Variants in GAD1 observed in about 807,000 individuals in gnomAD.
GAD1 encodes 67 kDa glutamic acid decarboxylase.
GAD1 carries 35 observed loss-of-function variants against 75.2 expected under a neutral mutation model. The ratio of observed to expected loss-of-function variants is 0.47; its 90% CI spans 0.36 to 0.62. The LOEUF is 0.62. GAD1 is among the 20% of genes least tolerant of loss of function. The pLI, the probability that GAD1 is intolerant of heterozygous loss-of-function variation, is 0.00. For synonymous variants in GAD1, 257 were observed against 271.9 expected (o/e 0.95, Z 0.54); for missense variants, 490 against 758.5 (o/e 0.65, Z 4.16).
intron 3 of GAD1, 191 bp from the exon 4 acceptor site, chr2:170,829,284 G>A (rs1702158423): frequency 1.6e-6 from 1 of 628,226 alleles, no homozygotes; most frequent in African/African-American, 1.8e-5. Flanking sequence ...TGCCACTGAT[G>A]ACATTTGGCA....
intron 12 of GAD1, among the ~76,000 whole-genome samples, chr2:170,852,140 G>A (rs896196364): frequency 2.0e-5 from 3 of 152,210 alleles, no homozygotes; most frequent in African/African-American, 7.2e-5. Flanking sequence ...CCAACTCTGT[G>A]ACTTTGGGTA....
At position 170,839,633 on chromosome 2, in the gene GAD1, T is replaced by A. The variant is rs147161410; in HGVS notation, c.638+2750T>A. On this transcript the variant is annotated intron_variant, in intron 6 of 16. Transcript: ENST00000358196. ...CATCTCAAAAAAAAAAAAAAAAATCTATGTCCATGCCTTTACACCTGTTTC... is the reference window on the plus strand; with the variant it reads ...CATCTCAAAAAAAAAAAAAAAAATCAATGTCCATGCCTTTACACCTGTTTC... Among the ~76,000 whole-genome samples the A allele has an allele frequency of 9.0e-4, 137 of 151,584 alleles. 1 individual carries two copies. The highest frequency in any genetic ancestry group is 1.8e-3 in the African/African-American group (74 of 41,330).
chr2:170,815,233 C>T (rs45625139), upstream of GAD1, among the ~76,000 whole-genome samples: 2 of 152,176 alleles, frequency 1.3e-5, no homozygotes, highest in Admixed American at 6.5e-5. Context: ...GGAGCAGACA[C>T]CCCCAGCCTG....
Position 170,858,868 on chromosome 2 carries a change from C to G in GAD1, c.1586C>G (p.Pro529Arg). The G allele has an allele frequency of 6.2e-7, 1 of 1,614,126 alleles. No homozygotes were observed. Among genetic ancestry groups the G allele is most frequent in the Non-Finnish European group, 8.5e-7 (1 of 1,179,988 alleles). Reference sequence around the variant, plus strand: ...AGCCTCAGGGGTGTGCCAGACAGCCCTCAACGACGGGAAAAGCTACACAAG... The same window carrying G: ...AGCCTCAGGGGTGTGCCAGACAGCCGTCAACGACGGGAAAAGCTACACAAG... ...PQSLRGVPDS[P>R]QRREKLHKVA... The change falls in exon 16 of 17, where the codon CCT becomes CGT. Residue 529 changes from proline to arginine, a missense_variant. Physicochemically the swap from Pro to Arg is moderately radical, Grantham distance 103 (BLOSUM62 -2). This residue lies in a region of GAD1 where 324 missense variants were observed against 523.9 expected (regional missense o/e 0.62). Transcript: ENST00000358196.
At chr2:170,855,566 G>A (rs997890882) in intron 14 of GAD1, among the ~76,000 whole-genome samples, 2 of 150,908 alleles carry the variant, frequency 1.3e-5, no homozygotes, top group Non-Finnish European at 3.0e-5. Flanking sequence ...AGTAATCATA[G>A]GAATTTTAAA....
In GAD1 at chr2:170,859,768, G is replaced by C; in HGVS notation, c.1671G>C (p.Gln557His). Reference sequence around the variant, plus strand: ...CAGGTACGACCATGGTTGGCTACCAGCCCCAAGGGGACAAGGCCAACTTCT... The same window carrying C: ...CAGGTACGACCATGGTTGGCTACCACCCCCAAGGGGACAAGGCCAACTTCT... ...MESGTTMVGY[Q>H]PQGDKANFFR... Residue 557 changes from glutamine (Q) to histidine (H), a missense_variant, in exon 17 of 17, where the codon CAG (glutamine) becomes CAC (histidine). Gln to His is a conservative substitution (Grantham distance 24). Transcript: ENST00000358196. The C allele has an allele frequency of 6.2e-7, 1 of 1,614,166 alleles. No homozygotes were observed. The highest frequency in any genetic ancestry group is 8.5e-7 in the Non-Finnish European group (1 of 1,180,030).
chr2:170,824,652 A>G (rs184998177), intron 3 of GAD1, among the ~76,000 whole-genome samples: 4 of 152,242 alleles, frequency 2.6e-5, no homozygotes, highest in Admixed American at 1.3e-4. Context: ...TGAAGCTGCA[A>G]GGAAGGCCCT....
At chr2:170,830,486 C>T (rs77130568) in intron 4 of GAD1, among the ~76,000 whole-genome samples, 2,578 of 152,322 alleles carry the variant, frequency 0.017, 72 homozygotes, top group African/African-American at 0.056. Context: ...CGAAGGACAC[C>T]GCCAAGGACC....
chr2:170,846,185 T>C, intron 10 of GAD1, 122 bp downstream of exon 10: 1 of 873,356 alleles, frequency 1.1e-6, no homozygotes, highest in Non-Finnish European at 1.9e-6. Flanking sequence ...ATTCTTCAAA[T>C]TTGCTTATTT....
At chr2:170,814,725 A>G (rs552464294), upstream of GAD1, among the ~76,000 whole-genome samples, 4 of 152,302 alleles carry the variant, frequency 2.6e-5, no homozygotes, top group African/African-American at 7.2e-5. Flanking sequence ...TACTCACCAT[A>G]AAGGAGAAAG....
chr2:170,828,680 T>A (rs1702122098), intron 3 of GAD1, among the ~76,000 whole-genome samples: 1 of 124,160 alleles, frequency 8.1e-6, no homozygotes, highest in Non-Finnish European at 1.7e-5. Context: ...CCTCCCCTGT[T>A]GTCCTCACCC....
intron 12 of GAD1, among the ~76,000 whole-genome samples, chr2:170,852,186 C>T (rs1228281012): frequency 6.6e-6 from 1 of 152,172 alleles, no homozygotes; most frequent in Non-Finnish European, 1.5e-5. Flanking sequence ...GTTTCCCCAT[C>T]TAAAACAGAG....
Position 170,854,019 on chromosome 2 carries a change from A to G in GAD1, c.1410A>G (p.Ala470=). The G allele has an allele frequency of 6.2e-7, 1 of 1,614,206 alleles. No individual in the cohort carries two copies. The highest frequency in any genetic ancestry group is 8.5e-7 in the Non-Finnish European group (1 of 1,180,028). ...TCAAGTTCTGGCTGATGTGGAAAGCAAAGGTATGAAGGGAATAGTTCAGGA... is the reference window on the plus strand; with the variant it reads ...TCAAGTTCTGGCTGATGTGGAAAGCGAAGGTATGAAGGGAATAGTTCAGGA... ...DIFKFWLMWK[A]KGTVGFENQI... The change falls in exon 14 of 17, where the codon GCA becomes GCG. Residue 470 remains alanine, a synonymous_variant. Coordinates refer to ENST00000358196, the MANE Select transcript of GAD1 (RefSeq NM_000817.3).
chr2:170,849,455 C>T (rs778228848), intron 12 of GAD1, 105 bp downstream of exon 12: 12 of 1,117,066 alleles, frequency 1.1e-5, no homozygotes, highest in Admixed American at 1.9e-5. Flanking sequence ...CATCATATTT[C>T]GGTCTAAGTT....
chr2:170,838,440 AG>A (rs1170045761), intron 6 of GAD1, among the ~76,000 whole-genome samples: 1 of 152,380 alleles, frequency 6.6e-6, no homozygotes, highest in Non-Finnish European at 1.5e-5. Context: ...TCTAGCACTA[AG>A]GAACAATTTA....
intron 6 of GAD1, among the ~76,000 whole-genome samples, chr2:170,840,495 G>C (rs1025680502): frequency 2.6e-5 from 4 of 152,078 alleles, no homozygotes; most frequent in African/African-American, 9.7e-5. Context: ...CAGATTTTGT[G>C]TGCCTTTCTA....
At chr2:170,850,971 G>A (rs921109217) in intron 12 of GAD1, among the ~76,000 whole-genome samples, 21 of 151,510 alleles carry the variant, frequency 1.4e-4, no homozygotes, top group Admixed American at 8.5e-4. Flanking sequence ...CCGAGATCAC[G>A]CCGCTGCACT....
intron 2 of GAD1, 99 bp from the exon 3 acceptor site, chr2:170,821,988 A>G: frequency 9.7e-7 from 1 of 1,035,868 alleles, no homozygotes; most frequent in Non-Finnish European, 1.5e-6. Context: ...GAGCTCTGGC[A>G]AAGTCCTCAT....
chr2:170,831,086 G>A lies in GAD1; in HGVS notation c.441G>A (p.Leu147=), dbSNP rs759602099. The A allele has an allele frequency of 1.2e-6, 2 of 1,614,184 alleles. No homozygotes were observed. Among genetic ancestry groups the A allele is most frequent in the South Asian group, 2.2e-5 (2 of 91,082 alleles). ...TGGACTTTCATCACCCACACCAGTT[G>A]CTGGAAGGCATGGAGGGCTTCAACT... The part of the protein sequence containing the change: ...KVLDFHHPHQ[L]LEGMEGFNLE... Residue 147 remains leucine, a synonymous_variant, in exon 5 of 17, where the codon TTG becomes TTA. Coordinates refer to ENST00000358196, the MANE Select transcript of GAD1 (RefSeq NM_000817.3).
Sources: allele counts gnomAD v4.1 joint callset (sites outside exome capture counted in the v4.1 genomes callset), GRCh38; gene constraint gnomAD v4.1.1; regional missense constraint gnomAD v4.1.1; transcripts MANE v1.5; gene names NCBI Gene and HGNC (gene_info 2026-07-23, HGNC 2026-07-21).